The following CRTC3 variants were observed in gnomAD, a reference collection of about 807,000 sequenced individuals.
CRTC3 encodes the protein CREB-regulated transcription coactivator 3.
CRTC3 carries 26 observed loss-of-function variants against 74.5 expected under a neutral mutation model. The observed-to-expected ratio is 0.35, with a 90% CI of 0.26 to 0.48. The LOEUF (loss-of-function observed/expected upper bound fraction) is 0.48, where lower values mean the gene tolerates loss of function less well. Ranked by LOEUF, CRTC3 falls within the 20% of genes least tolerant of loss-of-function variation. CRTC3 has a pLI of 0.99. For missense variants in CRTC3, 760 were observed against 787.3 expected (o/e 0.97, Z 0.41); for synonymous variants, 377 against 325.8 (o/e 1.16, Z -1.69).
intron 11 of CRTC3, among the ~76,000 whole-genome samples, chr15:90,635,977 C>A (rs1969219834): frequency 6.6e-6 from 1 of 152,080 alleles, no homozygotes; most frequent in African/African-American, 2.4e-5. Context: ...AATGGCCATA[C>A]TGCCCAAGGT....
chr15:90,576,614 A>G (rs1207167415), intron 2 of CRTC3, among the ~76,000 whole-genome samples: 1 of 152,102 alleles, frequency 6.6e-6, no homozygotes, highest in Non-Finnish European at 1.5e-5. Flanking sequence ...GATGGTCAGG[A>G]AGTTCAGGAG....
chr15:90,599,567 C>T (rs1968015578), intron 3 of CRTC3: 1 of 152,162 alleles, frequency 6.6e-6, no homozygotes, highest in African/African-American at 2.4e-5. Context: ...GAGTGGTTCT[C>T]TTGGGTTTTC....
chr15:90,558,516 A>G (rs1386590869), intron 2 of CRTC3, among the ~76,000 whole-genome samples: 1 of 152,054 alleles, frequency 6.6e-6, no homozygotes, highest in African/African-American at 2.4e-5. Context: ...CATGCCAGCC[A>G]CACTGGCCTT....
chr15:90,561,304 A>G (rs1967006409), intron 2 of CRTC3, among the ~76,000 whole-genome samples: 1 of 152,234 alleles, frequency 6.6e-6, no homozygotes, highest in Non-Finnish European at 1.5e-5. Flanking sequence ...CTTTCTTTGC[A>G]GGTATCCTAC....
At chr15:90,533,328 G>A (rs1451765566) in intron 1 of CRTC3, among the ~76,000 whole-genome samples, 1 of 151,368 alleles carries the variant, frequency 6.6e-6, no homozygotes, top group African/African-American at 2.4e-5. Context: ...GGCTGCGGCA[G>A]GAGAATGGCG....
At chr15:90,545,754 A>AT (rs769967347) in intron 2 of CRTC3, among the ~76,000 whole-genome samples, 11 of 151,108 alleles carry the variant, frequency 7.3e-5, no homozygotes, top group Non-Finnish European at 1.6e-4. Flanking sequence ...TTTTTTTTGT[A>AT]TTTTTAGTAG....
intron 6 of CRTC3, among the ~76,000 whole-genome samples, chr15:90,607,734 C>T (rs1968262465): frequency 6.6e-6 from 1 of 152,210 alleles, no homozygotes; most frequent in Admixed American, 6.5e-5. Context: ...GGGCACCCGT[C>T]ATCTTCTAAT....
rs137897219 is a variant in CRTC3 at position 90,638,751 on chromosome 15, A to C, written c.1484A>C (p.Asn495Thr). The change falls in exon 13 of 15, where the codon AAC becomes ACC. Residue 495 changes from asparagine to threonine, a missense_variant. Physicochemically the swap from Asn to Thr is moderately conservative, Grantham distance 65. This residue lies in a region of CRTC3 where 652 missense variants were observed against 635.2 expected (regional missense o/e 1.03). Transcript: ENST00000268184. Reference protein sequence around the residue: ...LLPAQGSSLTNFFPDVGFDQQ... With the variant: ...LLPAQGSSLTTFFPDVGFDQQ... ...TCCCTGAAGGGCTCATCTTTGACCA[A>C]CTTCTTCCCAGATGTGGGTTTTGAC... The C allele has an allele frequency of 3.1e-6, 5 of 1,614,144 alleles. No homozygotes were observed. Among genetic ancestry groups the C allele is most frequent in the South Asian group, 2.2e-5 (2 of 91,088 alleles).
At chr15:90,566,323 G>A (rs1342445283) in intron 2 of CRTC3, among the ~76,000 whole-genome samples, 6 of 152,140 alleles carry the variant, frequency 3.9e-5, no homozygotes, top group Non-Finnish European at 7.4e-5. Flanking sequence ...GCTGAGGTGG[G>A]TGGATCGCTT....
At chr15:90,545,922 T>C (rs1182242560) in intron 2 of CRTC3, among the ~76,000 whole-genome samples, 2 of 152,194 alleles carry the variant, frequency 1.3e-5, no homozygotes, top group African/African-American at 4.8e-5. Flanking sequence ...TAATCAGTTG[T>C]GAGAGTTGTT....
At position 90,631,066 on chromosome 15, in the gene CRTC3, C is replaced by T. The variant is rs552741689; in HGVS notation, c.1266+1534C>T. Among the ~76,000 whole-genome samples the T allele has an allele frequency of 2.0e-3, 282 of 144,330 alleles. 86 individuals are homozygous for T. Among genetic ancestry groups the T allele is most frequent in the African/African-American group, 6.9e-3 (271 of 39,454 alleles). The allele number at this position is 144,330 out of a possible 152,430, so 94.7% of individuals were successfully genotyped here. A position where few individuals can be genotyped will look rare whatever the true frequency, so the allele number is the denominator to read the frequency against. On this transcript the variant is annotated intron_variant, in intron 11 of 14. Transcript: ENST00000268184. ...TGCTGGGATTACAGGCGTGAGCCAC[C>T]GCGCCCGGCCTATTACAGCATCATT...
At chr15:90,599,475 T>C (rs1324029587) in intron 3 of CRTC3, 3 of 152,262 alleles carry the variant, frequency 2.0e-5, no homozygotes, top group African/African-American at 7.2e-5. Flanking sequence ...TAAAGCCACC[T>C]GAATGAAGTT....
At chr15:90,640,729 G>A (rs1405140555) in intron 13 of CRTC3, among the ~76,000 whole-genome samples, 1 of 151,950 alleles carries the variant, frequency 6.6e-6, no homozygotes, top group African/African-American at 2.4e-5. Context: ...TACTTCCTTG[G>A]TTATAGACAG....
intron 2 of CRTC3, among the ~76,000 whole-genome samples, chr15:90,579,986 C>T (rs1967500111): frequency 6.6e-6 from 1 of 152,140 alleles, no homozygotes; most frequent in Non-Finnish European, 1.5e-5. Context: ...ATGCTGATTG[C>T]ACATCCCCAC....
chr15:90,537,635 C>T (rs1025479506), intron 1 of CRTC3, among the ~76,000 whole-genome samples: 2 of 152,284 alleles, frequency 1.3e-5, no homozygotes, highest in African/African-American at 4.8e-5. Flanking sequence ...CCGCCCGCCT[C>T]GGCCTCCCAA....
At chr15:90,581,097 C>G (rs1365837077) in intron 2 of CRTC3, among the ~76,000 whole-genome samples, 1 of 152,066 alleles carries the variant, frequency 6.6e-6, no homozygotes, top group Non-Finnish European at 1.5e-5. Flanking sequence ...GAAAGTACTC[C>G]GTTCCCATCT....
intron 6 of CRTC3, among the ~76,000 whole-genome samples, chr15:90,609,380 A>G (rs138180022): frequency 2.8e-3 from 434 of 152,290 alleles, no homozygotes; most frequent in African/African-American, 8.7e-3. Flanking sequence ...AGAGATGGGA[A>G]TATGTAAACA....
intron 2 of CRTC3, among the ~76,000 whole-genome samples, chr15:90,593,029 T>C (rs1277828147): frequency 6.6e-6 from 1 of 152,186 alleles, no homozygotes; most frequent in Non-Finnish European, 1.5e-5. Context: ...GGCGCACATC[T>C]GTAATCCCAG....
At chr15:90,560,346 A>G (rs1966984939) in intron 2 of CRTC3, among the ~76,000 whole-genome samples, 1 of 152,236 alleles carries the variant, frequency 6.6e-6, no homozygotes, top group South Asian at 2.1e-4. Context: ...GTGTTTTCTC[A>G]GAGCCAAGTA....
Sources: gnomAD v4.1 joint callset for allele counts (sites outside exome capture counted in the v4.1 genomes callset) on GRCh38, gnomAD v4.1.1 for gene constraint, gnomAD v4.1.1 regional missense constraint, MANE v1.5 for transcripts, NCBI Gene and HGNC (gene_info 2026-07-23, HGNC 2026-07-21) for gene names.